Variants in BHMT2 observed in about 807,000 individuals in gnomAD.
BHMT2 encodes betaine--homocysteine S-methyltransferase 2.
BHMT2 carries 28 observed loss-of-function variants against 39.0 expected under a neutral mutation model. That is an observed-to-expected ratio of 0.72 (90% CI 0.53 to 0.98). BHMT2 has a LOEUF of 0.98. Among genes scored for constraint, BHMT2 ranks in the 50% least tolerant of loss-of-function variants. The pLI is 0.00. For missense variants in BHMT2, 410 were observed against 455.6 expected (o/e 0.90, Z 0.91); for synonymous variants, 145 against 160.6 (o/e 0.90, Z 0.74).
At chr5:79,073,828 CT>C (rs755503608) in intron 1 of BHMT2, among the ~76,000 whole-genome samples, 11 of 152,172 alleles carry the variant, frequency 7.2e-5, no homozygotes, top group South Asian at 2.1e-4. Flanking sequence ...GTATTTACCT[CT>C]AGTTAAACCC....
Position 79,071,469 on chromosome 5 carries a change from G to A in BHMT2, c.33+1654G>A, listed in dbSNP as rs146069305. Among the ~76,000 whole-genome samples the A allele has an allele frequency of 7.5e-3, 1,140 of 152,312 alleles. 14 individuals are homozygous for A. The highest frequency in any genetic ancestry group is 0.026 in the African/African-American group (1,096 of 41,566). On this transcript the variant is annotated intron_variant, in intron 1 of 7. Transcript: ENST00000255192. ...AAAAAGGGGGCATAAATGCACCCTA[G>A]AGCTCGCTGTCAGATGCAAGGCAGG...
chr5:79,071,328 G>A (rs958527340), intron 1 of BHMT2: 1 of 145,224 alleles, frequency 6.9e-6, no homozygotes, highest in Non-Finnish European at 1.5e-5. Context: ...ATTTTAGACA[G>A]ACTGGGTTTT....
Position 79,088,894 on chromosome 5 carries a change from G to A in BHMT2, c.*320G>A. 1 of 201,412 alleles carries A rather than the reference G, an allele frequency of 5.0e-6. No homozygotes were observed. Among genetic ancestry groups the A allele is most frequent in the Non-Finnish European group, 1.0e-5 (1 of 100,040 alleles). 12.5% of individuals were successfully genotyped at this position (201,412 alleles called of 1,614,324 possible). ...GAAGAATAGCCAAACTTGTCTTTGAGGGTGAATTTGACACTTTAAAATAAT... is the reference window on the plus strand; with the variant it reads ...GAAGAATAGCCAAACTTGTCTTTGAAGGTGAATTTGACACTTTAAAATAAT... On this transcript the variant is annotated 3_prime_UTR_variant, in exon 8 of 8. Coordinates refer to ENST00000255192, the MANE Select transcript of BHMT2 (RefSeq NM_017614.5).
chr5:79,088,398 G>GTGTGTGTGT (rs757526868), intron 7 of BHMT2, 95 bp from the exon 8 acceptor site: 92 of 609,646 alleles, frequency 1.5e-4, no homozygotes, highest in Non-Finnish European at 1.8e-4. Flanking sequence ...GTGTGTGTGT[G>GTGTGTGTGT]GTTATATACA....
Position 79,089,741 on chromosome 5 carries a change from C to A in BHMT2, c.*1167C>A, listed in dbSNP as rs1189828154. Among the ~76,000 whole-genome samples, 1 of 152,164 alleles carries A rather than the reference C, an allele frequency of 6.6e-6. No individual in the cohort carries two copies. Among genetic ancestry groups the A allele is most frequent in the Non-Finnish European group, 1.5e-5 (1 of 68,024 alleles). ...CAGCACTTTGGGAGGCCAGGGCGGGCAGATCACTTGGGTCAAGAGTTCAAG... is the reference window on the plus strand; with the variant it reads ...CAGCACTTTGGGAGGCCAGGGCGGGAAGATCACTTGGGTCAAGAGTTCAAG... On this transcript the variant is annotated 3_prime_UTR_variant, in exon 8 of 8. Transcript: ENST00000255192.
intron 2 of BHMT2, 171 bp downstream of exon 2, chr5:79,077,783 T>C (rs1755700116): frequency 2.8e-6 from 2 of 719,888 alleles, no homozygotes; most frequent in African/African-American, 3.6e-5. Flanking sequence ...TGGAAGAAAA[T>C]GACCTCTCTC....
At chr5:79,070,192 A>G (rs1327013013) in intron 1 of BHMT2, among the ~76,000 whole-genome samples, 2 of 152,152 alleles carry the variant, frequency 1.3e-5, no homozygotes, top group African/African-American at 4.8e-5. Context: ...TCTTCCCTCA[A>G]CCGACCCTCG....
At position 79,088,756 on chromosome 5, in the gene BHMT2, G is replaced by A. The variant is rs1755958502; in HGVS notation, c.*182G>A. 3.7e-6 allele frequency: 2 copies of A among 543,542 alleles called. No individual in the cohort carries two copies. The highest frequency in any genetic ancestry group is 3.8e-5 in the African/African-American group (2 of 52,156). The allele number at this position is 543,542 out of a possible 1,614,324, so 33.7% of individuals were successfully genotyped here. A position where few individuals can be genotyped will look rare whatever the true frequency, so the allele number is the denominator to read the frequency against. On this transcript the variant is annotated 3_prime_UTR_variant, in exon 8 of 8. Transcript: ENST00000255192. ...TGTGTGCATATTGAGCTCCTGCTGTGGTTAAGCACTGCAACAGACTCTACC... is the reference window on the plus strand; with the variant it reads ...TGTGTGCATATTGAGCTCCTGCTGTAGTTAAGCACTGCAACAGACTCTACC...
intron 7 of BHMT2, 95 bp from the exon 8 acceptor site, chr5:79,088,398 G>GTGTGTGTGTGTT (rs757526868): frequency 1.7e-6 from 1 of 602,542 alleles, no homozygotes; most frequent in South Asian, 2.0e-5. Context: ...GTGTGTGTGT[G>GTGTGTGTGTGTT]GTTATATACA....
intron 7 of BHMT2, among the ~76,000 whole-genome samples, chr5:79,084,609 C>T (rs1273361200): frequency 6.6e-6 from 1 of 152,102 alleles, no homozygotes; most frequent in Non-Finnish European, 1.5e-5. Flanking sequence ...CAATCACCTC[C>T]CAGTGGCTCC....
At chr5:79,079,484 G>A (rs781306840) in intron 3 of BHMT2, 24 bp downstream of exon 3, 2 of 1,534,306 alleles carry the variant, frequency 1.3e-6, no homozygotes, top group Admixed American at 3.4e-5. Context: ...GCTGGGTGTG[G>A]GGGAGGGAGT....
chr5:79,081,913 A>G (rs749048206), intron 4 of BHMT2, among the ~76,000 whole-genome samples: 26 of 152,024 alleles, frequency 1.7e-4, no homozygotes, highest in Non-Finnish European at 2.8e-4. Flanking sequence ...TAGTGACCCC[A>G]CTGAACTCTA....
intron 1 of BHMT2, among the ~76,000 whole-genome samples, chr5:79,076,997 G>T (rs1372406485): frequency 6.6e-6 from 1 of 152,150 alleles, no homozygotes; most frequent in African/African-American, 2.4e-5. Context: ...GGGCGTCTAT[G>T]TCAGGAAAGC....
chr5:79,079,507 A>C, intron 3 of BHMT2, 47 bp downstream of exon 3: 1 of 1,342,988 alleles, frequency 7.4e-7, no homozygotes, highest in Non-Finnish European at 1.1e-6. Context: ...TCTATTAAAA[A>C]ATAACCTCTT....
At chr5:79,079,190 C>T (rs1755734318) in intron 2 of BHMT2, among the ~76,000 whole-genome samples, 179 bp from the exon 3 acceptor site, 1 of 152,230 alleles carries the variant, frequency 6.6e-6, no homozygotes, top group Admixed American at 6.5e-5. Context: ...CTAAACAGTA[C>T]ATCCTGCCTA....
Position 79,077,517 on chromosome 5 carries a change from T to A in BHMT2, c.71T>A (p.Ile24Asn), listed in dbSNP as rs1400202076. Residue 24 changes from isoleucine (I) to asparagine (N), a missense_variant, in exon 2 of 8, where the codon ATT becomes AAT. Physicochemically the swap from Ile to Asn is moderately radical, Grantham distance 149 (BLOSUM62 -3). Transcript: ENST00000255192. ...CGCCTGGAGAGTGGGGAGGTTGTGA[T>A]TGGAGATGGCAGCTTTCTCATTACT... ...LERLESGEVV[I>N]GDGSFLITLE... is the part of the protein sequence containing the mutation. The A allele has an allele frequency of 3.1e-6, 5 of 1,613,726 alleles. No homozygotes were observed. The highest frequency in any genetic ancestry group is 4.2e-6 in the Non-Finnish European group (5 of 1,179,948).
chr5:79,082,035 C>A (rs1755798503), intron 4 of BHMT2, among the ~76,000 whole-genome samples: 1 of 152,230 alleles, frequency 6.6e-6, no homozygotes, highest in Admixed American at 6.5e-5. Context: ...TGGATGATGA[C>A]ACCACTCTGT....
At chr5:79,073,818 G>A (rs1346550598) in intron 1 of BHMT2, among the ~76,000 whole-genome samples, 1 of 152,122 alleles carries the variant, frequency 6.6e-6, no homozygotes, top group Admixed American at 6.5e-5. Context: ...GAGTGACCTG[G>A]TATTTACCTC....
At chr5:79,074,571 A>G (rs1366775333) in intron 1 of BHMT2, among the ~76,000 whole-genome samples, 2 of 152,210 alleles carry the variant, frequency 1.3e-5, no homozygotes, top group African/African-American at 4.8e-5. Flanking sequence ...ATCAAGCAAT[A>G]TGGCCAAAAT....
Sources: allele counts gnomAD v4.1 joint callset (sites outside exome capture counted in the v4.1 genomes callset), GRCh38; gene constraint gnomAD v4.1.1; transcripts MANE v1.5; gene names NCBI Gene and HGNC (gene_info 2026-07-23, HGNC 2026-07-21).